Variants in RASA3 observed in about 807,000 individuals in gnomAD.
RASA3 encodes ras GTPase-activating protein 3.
In RASA3, 73 loss-of-function variants were observed where a neutral mutation model predicts 110.0. The observed-to-expected ratio is 0.66, with a 90% confidence interval of 0.55 to 0.81. RASA3 has a LOEUF of 0.81. Ranked by LOEUF, RASA3 falls within the 30% of genes least tolerant of loss-of-function variation. The pLI, the probability that RASA3 is intolerant of heterozygous loss-of-function variation, is 0.00. For synonymous variants in RASA3, 500 were observed against 451.4 expected, an observed-to-expected ratio of 1.11 and a Z score of -1.37; for missense variants, 976 against 1,113.2, an observed-to-expected ratio of 0.88 and a Z score of 1.75.
intron 3 of RASA3, among the ~76,000 whole-genome samples, chr13:114,041,431 T>C (rs1033570904): frequency 2.0e-5 from 3 of 152,268 alleles, no homozygotes; most frequent in African/African-American, 4.8e-5. Context: ...TCCCTTCCAG[T>C]AAGGCGTTCC....
At chr13:114,063,059 A>G (rs1020216717) in intron 2 of RASA3, among the ~76,000 whole-genome samples, 9 of 152,204 alleles carry the variant, frequency 5.9e-5, no homozygotes, top group Non-Finnish European at 1.0e-4. Flanking sequence ...GGGAGATGAA[A>G]ATGTTCTAAA....
Position 114,115,196 on chromosome 13 carries a change from C to T in RASA3, c.55+17239G>A, listed in dbSNP as rs1263488584. On this transcript the variant is annotated intron_variant, in intron 1 of 23. Coordinates refer to ENST00000334062, the MANE Select transcript of RASA3 (RefSeq NM_007368.4). The surrounding 1 kb of genome is among the most constrained non-coding windows in gnomAD (Gnocchi z 5.0). ...TGGGGGGCTTTGTGTGTGGTGTCAT[C>T]GGCAGCTTCCATTATGTCCAGCGGT... 1.3e-5 allele frequency among the ~76,000 whole-genome samples: 2 copies of T among 152,224 alleles called. No individual in the cohort carries two copies.
intron 1 of RASA3, among the ~76,000 whole-genome samples, chr13:114,081,634 A>G (rs969525807): frequency 2.6e-5 from 4 of 152,226 alleles, no homozygotes; most frequent in Non-Finnish European, 4.4e-5. Flanking sequence ...TATGGGAAAG[A>G]AGGCGATTGC....
intron 1 of RASA3, among the ~76,000 whole-genome samples, chr13:114,088,989 A>G (rs1326895063): frequency 6.6e-6 from 1 of 152,150 alleles, no homozygotes; most frequent in Admixed American, 6.5e-5. Flanking sequence ...TGAAGTTCAT[A>G]ATTACCAGCA....
rs1362638041 is a variant in RASA3 at position 114,024,293 on chromosome 13, G to A, written c.666C>T (p.Asp222=). 6.2e-7 allele frequency: 1 copy of A among 1,613,938 alleles called. No homozygotes were observed. Among genetic ancestry groups the A allele is most frequent in the South Asian group, 1.1e-5 (1 of 91,090 alleles). ...SHFDFEEEDV[D]KLEIRVDLWN... ...GGTTTTCTCACCTGATTTCGAGCTTGTCCACGTCTTCCTCCTCAAAGTCAA... is the reference window on the plus strand; with the variant it reads ...GGTTTTCTCACCTGATTTCGAGCTTATCCACGTCTTCCTCCTCAAAGTCAA... The change falls in exon 8 of 24, where the codon GAC becomes GAT. Residue 222 remains aspartate (D), a synonymous_variant. Coordinates refer to ENST00000334062, the MANE Select transcript of RASA3 (RefSeq NM_007368.4).
intron 1 of RASA3, among the ~76,000 whole-genome samples, chr13:114,081,704 G>A (rs1005436798): frequency 6.6e-6 from 1 of 152,184 alleles, no homozygotes; most frequent in South Asian, 2.1e-4. Context: ...CAAATCCTAT[G>A]GGTTCAAAAC....
chr13:114,046,718 C>T (rs2079057823), intron 3 of RASA3, among the ~76,000 whole-genome samples: 1 of 152,166 alleles, frequency 6.6e-6, no homozygotes, highest in Non-Finnish European at 1.5e-5. Flanking sequence ...CGAGCCCTGC[C>T]TTCAGAGTCC....
At chr13:113,980,271 ACCT>A (rs1330226145) in intron 23 of RASA3, among the ~76,000 whole-genome samples, 2 of 117,880 alleles carry the variant, frequency 1.7e-5, no homozygotes, top group Non-Finnish European at 1.7e-5. Flanking sequence ...ACATGTGCGC[ACCT>A]CCTCCCACGT....
chr13:114,029,713 G>C, intron 5 of RASA3, 98 bp downstream of exon 5: 1 of 1,118,518 alleles, frequency 8.9e-7, no homozygotes, highest in South Asian at 1.3e-5. Context: ...ACCGGCTCTG[G>C]AAATTCTTGT....
chr13:114,129,262 C>T (rs570750100), intron 1 of RASA3, among the ~76,000 whole-genome samples: 2 of 152,334 alleles, frequency 1.3e-5, no homozygotes, highest in South Asian at 4.1e-4. Flanking sequence ...TTTCAAAAGA[C>T]ACAGTGTTTA....
rs1410493742 is a variant in RASA3 at position 113,978,544 on chromosome 13, G to T, written c.*803C>A. ...TTTTAAAATCTTCAAACTTCCACGGGGGGTGGCAAATGTTAATTCTGATTT... is the reference window on the plus strand; with the variant it reads ...TTTTAAAATCTTCAAACTTCCACGGTGGGTGGCAAATGTTAATTCTGATTT... On this transcript the variant is annotated 3_prime_UTR_variant, in exon 24 of 24. Transcript: ENST00000334062. 1.3e-5 allele frequency: 2 copies of T among 152,176 alleles called. No individual in the cohort carries two copies. The highest frequency in any genetic ancestry group is 2.1e-4 in the South Asian group (1 of 4,834). 9.4% of individuals were successfully genotyped at this position (152,176 alleles called of 1,614,324 possible).
chr13:113,996,210 C>T (rs576046284), intron 21 of RASA3, among the ~76,000 whole-genome samples: 148 of 152,270 alleles, frequency 9.7e-4, no homozygotes, highest in Non-Finnish European at 1.7e-3. Flanking sequence ...CTCCCAGCCT[C>T]CTCCTAGAGA....
At chr13:114,009,917 T>C (rs2053595772) in intron 16 of RASA3, among the ~76,000 whole-genome samples, 2 of 152,128 alleles carry the variant, frequency 1.3e-5, no homozygotes, top group African/African-American at 4.8e-5. Context: ...CACGGGGAAG[T>C]GGAGGCACCC....
intron 17 of RASA3, among the ~76,000 whole-genome samples, chr13:114,007,968 G>C (rs71437262): frequency 0.42 from 36,032 of 85,408 alleles, 7,005 homozygotes; most frequent in African/African-American, 0.6. Flanking sequence ...CCTGGAGGTT[G>C]CCCCCACGCA....
chr13:114,051,929 T>C, intron 3 of RASA3, 123 bp downstream of exon 3: 1 of 686,244 alleles, frequency 1.5e-6, no homozygotes, highest in East Asian at 2.8e-5. Context: ...CCAGGGCTGC[T>C]GTGACCTCAA....
chr13:114,098,562 G>GGTGTGT (rs939262161), intron 1 of RASA3, among the ~76,000 whole-genome samples: 2 of 151,892 alleles, frequency 1.3e-5, no homozygotes, highest in African/African-American at 2.4e-5. Flanking sequence ...GGACGTTAAG[G>GGTGTGT]GTGTGTGTGT....
intron 18 of RASA3, among the ~76,000 whole-genome samples, chr13:114,001,384 TCGGGG>T (rs1475505865): frequency 7.0e-6 from 1 of 142,886 alleles, no homozygotes; most frequent in African/African-American, 2.7e-5. Flanking sequence ...GGCCGCGGGC[TCGGGG>T]TCAGGGCGGG....
At position 114,132,517 on chromosome 13, in the gene RASA3, G is replaced by A. The variant is rs774733229; in HGVS notation, c.-28C>T. Reference sequence around the variant, plus strand: ...TGCGCGTCCGCGCCCGCCGAGCCTCGCCCCAAGCGCGCGCCGAGCCCGGGC... The same window carrying A: ...TGCGCGTCCGCGCCCGCCGAGCCTCACCCCAAGCGCGCGCCGAGCCCGGGC... On this transcript the variant is annotated 5_prime_UTR_variant, in exon 1 of 24. Coordinates refer to ENST00000334062, the MANE Select transcript of RASA3 (RefSeq NM_007368.4). The A allele has an allele frequency of 2.0e-6, 3 of 1,465,930 alleles. No individual in the cohort carries two copies. The highest frequency in any genetic ancestry group is 1.5e-5 in the African/African-American group (1 of 68,760). 90.8% of individuals were successfully genotyped at this position (1,465,930 alleles called of 1,614,324 possible).
chr13:114,018,744 C>T lies in RASA3; in HGVS notation c.942+19G>A. ...GGCACCTCCTGCCCACACCCACAGG[C>T]CACGGCGTGGACAAGCACCTCCACA... On this transcript the variant is annotated intron_variant, in intron 10 of 23. Transcript: ENST00000334062. 1 of 1,611,784 alleles carries T rather than the reference C, an allele frequency of 6.2e-7. No individual in the cohort carries two copies. The highest frequency in any genetic ancestry group is 8.5e-7 in the Non-Finnish European group (1 of 1,179,298).
Sources: allele counts gnomAD v4.1 joint callset (sites outside exome capture counted in the v4.1 genomes callset), GRCh38; gene constraint gnomAD v4.1.1; non-coding constraint Gnocchi (gnomAD v3.1); transcripts MANE v1.5; gene names NCBI Gene and HGNC (gene_info 2026-07-23, HGNC 2026-07-21).